VWCE: variants seen among roughly 807,000 people sequenced by gnomAD.
VWCE encodes von Willebrand factor C and EGF domains.
In VWCE, 68 loss-of-function variants were observed where a neutral mutation model predicts 102.9. The observed-to-expected ratio is 0.66, with a 90% CI of 0.54 to 0.81. The LOEUF is 0.81. VWCE is among the 30% of genes least tolerant of loss of function. The pLI, the probability that VWCE is intolerant of heterozygous loss-of-function variation, is 0.00. For synonymous variants in VWCE, 497 were observed against 515.4 expected, an observed-to-expected ratio of 0.96 and a Z score of 0.48; for missense variants, 1,137 against 1,263.6, an observed-to-expected ratio of 0.90 and a Z score of 1.52.
chr11:61,288,796 G>A (rs2134846830), intron 4 of VWCE, among the ~76,000 whole-genome samples: 1 of 151,608 alleles, frequency 6.6e-6, no homozygotes, highest in Non-Finnish European at 1.5e-5. Context: ...GCGTCCTTCT[G>A]GGAAATAATC....
intron 19 of VWCE, among the ~76,000 whole-genome samples, chr11:61,264,174 T>G (rs1238965509): frequency 1.6e-5 from 2 of 124,736 alleles, no homozygotes; most frequent in African/African-American, 3.3e-5. Context: ...TGCAGTGAGG[T>G]GAGATAGCGC....
At chr11:61,260,912 G>A (rs1854336715) in intron 19 of VWCE, among the ~76,000 whole-genome samples, 1 of 152,086 alleles carries the variant, frequency 6.6e-6, no homozygotes. Flanking sequence ...AGAAAATGAA[G>A]AGTGAAGAAG....
chr11:61,294,922 G>A lies in VWCE; in HGVS notation c.110+6C>T, dbSNP rs372997955. 4.8e-3 allele frequency: 6,777 copies of A among 1,406,084 alleles called. 27 individuals carry two copies. The highest frequency in any genetic ancestry group is 9.1e-3 in the Middle Eastern group (35 of 3,862). The allele number at this position is 1,406,084 out of a possible 1,614,324, so 87.1% of individuals were successfully genotyped here. On this transcript the variant is annotated splice_donor_region_variant and intron_variant, in intron 1 of 19. Transcript: ENST00000335613. The surrounding 1 kb of genome is among the most constrained non-coding windows in gnomAD (Gnocchi z 6.3). ...GGGGGAGCGGGGAGGAGCTCCGGGC[G>A]CTTACCTCTCGGCCGCGAAGTGCCC...
chr11:61,264,011 G>T (rs1322438767), intron 19 of VWCE, among the ~76,000 whole-genome samples: 1 of 151,894 alleles, frequency 6.6e-6, no homozygotes, highest in Non-Finnish European at 1.5e-5. Flanking sequence ...GGATCACGAG[G>T]TGAGGAGATC....
intron 7 of VWCE, among the ~76,000 whole-genome samples, chr11:61,281,572 TAACA>T (rs1327880831): frequency 2.0e-5 from 3 of 151,766 alleles, no homozygotes; most frequent in Admixed American, 6.6e-5. Flanking sequence ...GTGTTGAAAG[TAACA>T]AACAAGATGA....
chr11:61,279,874 C>T (rs144260882), intron 9 of VWCE, among the ~76,000 whole-genome samples: 7 of 152,204 alleles, frequency 4.6e-5, no homozygotes, highest in Non-Finnish European at 8.8e-5. Flanking sequence ...TACATGTACA[C>T]GCCACCATAC....
intron 7 of VWCE, among the ~76,000 whole-genome samples, 175 bp from the exon 8 acceptor site, chr11:61,281,410 A>G (rs1252331942): frequency 6.6e-6 from 1 of 152,092 alleles, no homozygotes; most frequent in Non-Finnish European, 1.5e-5. Flanking sequence ...GAACCACGGA[A>G]ATGGCTGTCC....
chr11:61,287,343 GATGACGAGA>G (rs1021206269), intron 4 of VWCE, among the ~76,000 whole-genome samples: 4 of 152,184 alleles, frequency 2.6e-5, no homozygotes, highest in Non-Finnish European at 5.9e-5. Flanking sequence ...ATGAAGATCA[GATGACGAGA>G]GAAGACGGCT....
intron 4 of VWCE, among the ~76,000 whole-genome samples, chr11:61,288,556 T>A (rs1457056642): frequency 6.6e-6 from 1 of 152,198 alleles, no homozygotes. Context: ...CACTGGGATG[T>A]CTCGTGGCTA....
At chr11:61,265,238 G>GC in intron 16 of VWCE, 26 bp from the exon 17 acceptor site, 1 of 1,461,272 alleles carries the variant, frequency 6.8e-7, no homozygotes, top group Non-Finnish European at 9.1e-7. Flanking sequence ...AACACACAAG[G>GC]CCCTCGGTTC....
chr11:61,258,703 G>T lies in VWCE; in HGVS notation c.2840C>A (p.Ala947Asp). ...HPGPQQPPVG[A>D]SRGEESTM ...CATGGTGGACTCTTCCCCCCGAGAA[G>T]CCCCCACTGGGGGCTGCTGGGGGCC... The change falls in exon 20 of 20, where the codon GCT (alanine) becomes GAT (aspartate). Residue 947 changes from alanine (A) to aspartate (D), a missense_variant. By Grantham distance (126) the Ala-to-Asp change is moderately radical. Coordinates refer to ENST00000335613, the MANE Select transcript of VWCE (RefSeq NM_152718.2). 1 of 1,394,666 alleles carries T rather than the reference G, an allele frequency of 7.2e-7. No individual in the cohort carries two copies. The allele number at this position is 1,394,666 out of a possible 1,614,324, so 86.4% of individuals were successfully genotyped here.
rs1443044652 is a variant in VWCE at position 61,259,216 on chromosome 11, G to T, written c.2327C>A (p.Ala776Asp). Reference protein sequence around the residue: ...AGRSLHGDTEAPVNCSSCPGP... With the variant: ...AGRSLHGDTEDPVNCSSCPGP... ...AGGACAGGAGCTACAGTTGACAGGG[G>T]CCTCAGTGTCTCCATGCAGGCTCCG... Residue 776 changes from alanine to aspartate, a missense_variant, in exon 20 of 20, where the codon GCC (alanine) becomes GAC (aspartate). Coordinates refer to ENST00000335613, the MANE Select transcript of VWCE (RefSeq NM_152718.2). The T allele has an allele frequency of 4.3e-6, 7 of 1,614,024 alleles. No homozygotes were observed. Among genetic ancestry groups the T allele is most frequent in the African/African-American group, 1.3e-5 (1 of 74,928 alleles).
At chr11:61,274,663 G>C in intron 11 of VWCE, 79 bp from the exon 12 acceptor site, 3 of 1,313,894 alleles carry the variant, frequency 2.3e-6, no homozygotes, top group Non-Finnish European at 3.3e-6. Context: ...AATGGGTAGG[G>C]AGCCCCGGGG....
chr11:61,281,817 G>A lies in VWCE; in HGVS notation c.756C>T (p.Phe252=), dbSNP rs749171927. 6 of 1,613,824 alleles carry A rather than the reference G, an allele frequency of 3.7e-6. No individual in the cohort carries two copies. Among genetic ancestry groups the A allele is most frequent in the Non-Finnish European group, 5.1e-6 (6 of 1,179,832 alleles). The stretch of plus-strand genomic sequence containing the variant: ...AGGACACGCGGTCAGCTCGGAGCCT[G>A]AAGCCAGGTCGGCATGTGCATAGGA... ...GSFLCTCRPG[F]RLRADRVSCE... Residue 252 remains phenylalanine, a synonymous_variant, in exon 7 of 20, where the codon TTC becomes TTT. Transcript: ENST00000335613.
Position 61,258,822 on chromosome 11 carries a change from G to C in VWCE, c.2721C>G (p.Ser907Arg). 6.6e-7 allele frequency: 1 copy of C among 1,511,496 alleles called. No homozygotes were observed. Among genetic ancestry groups the C allele is most frequent in the South Asian group, 1.4e-5 (1 of 72,724 alleles). 93.6% of individuals were successfully genotyped at this position (1,511,496 alleles called of 1,614,324 possible). A position where few individuals can be genotyped will look rare whatever the true frequency, so the allele number is the denominator to read the frequency against. ...GGAGGGTGATGGGGGTCTTCGAGGG[G>C]CTGGGGTCCATCATGGAAAGTGCTG... is the stretch of plus-strand genomic sequence containing the variant. ...EASALSMMDP[S>R]PSKTPITLLG... The change falls in exon 20 of 20, where the codon AGC (serine) becomes AGG (arginine). Residue 907 changes from serine to arginine, a missense_variant. By Grantham distance (110) the Ser-to-Arg change is moderately radical (BLOSUM62 -1). Transcript: ENST00000335613.
intron 13 of VWCE, among the ~76,000 whole-genome samples, chr11:61,272,613 C>T (rs1854755141): frequency 6.6e-6 from 1 of 151,990 alleles, no homozygotes; most frequent in South Asian, 2.1e-4. Context: ...CATACTAAGA[C>T]ATACTACACA....
chr11:61,272,923 C>T (rs933675691), intron 13 of VWCE, among the ~76,000 whole-genome samples: 5 of 151,912 alleles, frequency 3.3e-5, no homozygotes, highest in South Asian at 4.2e-4. Flanking sequence ...CAGACACACA[C>T]TCATATACAT....
chr11:61,269,163 C>T (rs1325629353), intron 14 of VWCE, 145 bp from the exon 15 acceptor site: 11 of 682,238 alleles, frequency 1.6e-5, no homozygotes, highest in Non-Finnish European at 2.5e-5. Context: ...GGCAGGTCTC[C>T]CCTAAAGAGG....
chr11:61,290,766 C>T (rs576483229), intron 4 of VWCE, 33 bp downstream of exon 4: 4 of 1,582,284 alleles, frequency 2.5e-6, no homozygotes, highest in East Asian at 4.5e-5. Context: ...CGCTGTCCCC[C>T]TCCCCCTCCC....
Sources: allele counts gnomAD v4.1 joint callset (sites outside exome capture counted in the v4.1 genomes callset), GRCh38; gene constraint gnomAD v4.1.1; non-coding constraint Gnocchi (gnomAD v3.1); transcripts MANE v1.5; gene names NCBI Gene and HGNC (gene_info 2026-07-23, HGNC 2026-07-21).